SERGEF: variants seen among roughly 807,000 people sequenced by gnomAD.
SERGEF encodes the protein secretion-regulating guanine nucleotide exchange factor.
In SERGEF, 51 loss-of-function variants were observed where a neutral mutation model predicts 50.0. The ratio of observed to expected loss-of-function variants is 1.02; its 90% CI spans 0.81 to 1.29. The LOEUF is 1.29. Among genes scored for constraint, SERGEF ranks in the 50% most tolerant of loss-of-function variants. The pLI is 0.00. For synonymous variants in SERGEF, 205 were observed against 212.4 expected (o/e 0.97, Z 0.30); for missense variants, 521 against 557.0 (o/e 0.94, Z 0.65).
chr11:17,928,041 A>G (rs1852283083), intron 9 of SERGEF, among the ~76,000 whole-genome samples: 1 of 152,256 alleles, frequency 6.6e-6, no homozygotes, highest in Admixed American at 6.5e-5. Context: ...TAGAGTCTCT[A>G]AATTTGAAGT....
chr11:17,836,090 C>T (rs1036857629), intron 10 of SERGEF, among the ~76,000 whole-genome samples: 5 of 152,218 alleles, frequency 3.3e-5, no homozygotes, highest in African/African-American at 1.2e-4. Context: ...GTTATTTATT[C>T]AGCAAACATC....
chr11:17,972,405 G>A (rs1307111430), intron 8 of SERGEF, among the ~76,000 whole-genome samples: 1 of 152,158 alleles, frequency 6.6e-6, no homozygotes, highest in African/African-American at 2.4e-5. Context: ...TGATCAGTCA[G>A]CAGCCATCAA....
intron 10 of SERGEF, among the ~76,000 whole-genome samples, chr11:17,861,118 G>A (rs1461005016): frequency 2.0e-5 from 3 of 152,178 alleles, no homozygotes; most frequent in East Asian, 1.9e-4. Context: ...ATGCATGTCT[G>A]TGGCATTGAC....
intron 10 of SERGEF, among the ~76,000 whole-genome samples, chr11:17,830,364 G>A (rs1850271588): frequency 1.3e-5 from 2 of 152,172 alleles, no homozygotes; most frequent in African/African-American, 4.8e-5. Flanking sequence ...CTCACTTGGT[G>A]TCTTAGTACA....
chr11:18,004,013 C>T (rs1197092834), intron 4 of SERGEF, among the ~76,000 whole-genome samples: 1 of 152,062 alleles, frequency 6.6e-6, no homozygotes, highest in East Asian at 1.9e-4. Context: ...TTAAATAGGG[C>T]TACTAGAAAA....
At position 17,884,124 on chromosome 11, in the gene SERGEF, G is replaced by A. The variant is rs1387441357; in HGVS notation, c.1012-5880C>T. Among the ~76,000 whole-genome samples the A allele has an allele frequency of 6.6e-6, 1 of 152,234 alleles. No homozygotes were observed. Among genetic ancestry groups the A allele is most frequent in the Non-Finnish European group, 1.5e-5 (1 of 68,040 alleles). On this transcript the variant is annotated intron_variant, in intron 9 of 10. Transcript: ENST00000265965. The surrounding 1 kb of genome is among the most constrained non-coding windows in gnomAD (Gnocchi z 4.6). ...AGCCCAAAGGCCACCCAGGGTGCCA[G>A]ATGGACAGCGAGGCCTGCTGATTGG...
At chr11:17,881,947 G>T (rs1851339086) in intron 9 of SERGEF, among the ~76,000 whole-genome samples, 1 of 152,040 alleles carries the variant, frequency 6.6e-6, no homozygotes, top group African/African-American at 2.4e-5. Flanking sequence ...TACCTCTCTG[G>T]CCTCATTTCC....
rs139727128 is a variant in SERGEF, at chr11:17,888,522, T to C, written c.1012-10278A>G. ...ATATGAATGTTGCTAGGAGCCAGAA[T>C]GCTCACTGTAGTTGAAGGAAACACA... is the stretch of plus-strand genomic sequence containing the variant. On this transcript the variant is annotated intron_variant, in intron 9 of 10. Coordinates refer to ENST00000265965, the MANE Select transcript of SERGEF (RefSeq NM_012139.4). This position sits in a 1 kb window ranked among gnomAD's most constrained non-coding sequence, Gnocchi z 4.1. 3.7e-4 allele frequency among the ~76,000 whole-genome samples: 57 copies of C among 152,196 alleles called. 2 individuals carry two copies. In the East Asian group the frequency reaches 7.2e-3, roughly 19 times the overall value.
chr11:17,870,761 CAG>C (rs1022787692), intron 10 of SERGEF, among the ~76,000 whole-genome samples: 58 of 151,914 alleles, frequency 3.8e-4, no homozygotes, highest in African/African-American at 1.4e-3. Flanking sequence ...TAAAATTAGA[CAG>C]ATTAAAAAGG....
At chr11:17,901,664 A>C (rs911957738) in intron 9 of SERGEF, among the ~76,000 whole-genome samples, 1 of 152,210 alleles carries the variant, frequency 6.6e-6, no homozygotes, top group African/African-American at 2.4e-5. Flanking sequence ...CTTCACACTC[A>C]GCGGAATCCA....
At chr11:17,826,469 A>G (rs1273375315) in intron 10 of SERGEF, among the ~76,000 whole-genome samples, 1 of 152,226 alleles carries the variant, frequency 6.6e-6, no homozygotes, top group Non-Finnish European at 1.5e-5. Context: ...TTGCAATGGG[A>G]AGAAAGACAC....
intron 10 of SERGEF, among the ~76,000 whole-genome samples, chr11:17,842,911 C>T (rs571579138): frequency 1.1e-4 from 17 of 152,310 alleles, no homozygotes; most frequent in African/African-American, 4.1e-4. Flanking sequence ...AAGAGAGGAG[C>T]TGATATGCTA....
At chr11:17,953,686 G>T (rs922516783) in intron 9 of SERGEF, among the ~76,000 whole-genome samples, 1 of 152,214 alleles carries the variant, frequency 6.6e-6, no homozygotes, top group Non-Finnish European at 1.5e-5. Context: ...CCCACAAGGT[G>T]CCAGGGACTA....
At chr11:17,885,941 G>T (rs1851420890) in intron 9 of SERGEF, among the ~76,000 whole-genome samples, 1 of 152,112 alleles carries the variant, frequency 6.6e-6, no homozygotes. Context: ...GCTATAGTTT[G>T]CTTTTATCAA....
intron 10 of SERGEF, among the ~76,000 whole-genome samples, chr11:17,861,464 T>C (rs1397808109): frequency 6.6e-6 from 1 of 152,254 alleles, no homozygotes; most frequent in Non-Finnish European, 1.5e-5. Flanking sequence ...CACTACATTA[T>C]GCTGCTTGGG....
intron 9 of SERGEF, among the ~76,000 whole-genome samples, chr11:17,922,071 A>G (rs939384053): frequency 6.6e-6 from 1 of 152,202 alleles, no homozygotes; most frequent in Non-Finnish European, 1.5e-5. Context: ...TTTCTCTTTA[A>G]AAGAGAACTT....
intron 10 of SERGEF, among the ~76,000 whole-genome samples, chr11:17,804,830 C>T (rs541679516): frequency 5.9e-5 from 9 of 152,218 alleles, no homozygotes; most frequent in Non-Finnish European, 1.2e-4. Context: ...TACTCTCCTA[C>T]TGTCTGTAAC....
At chr11:17,845,218 T>G (rs747783257) in intron 10 of SERGEF, among the ~76,000 whole-genome samples, 3 of 152,208 alleles carry the variant, frequency 2.0e-5, no homozygotes, top group Non-Finnish European at 4.4e-5. Flanking sequence ...TTCAACTTCT[T>G]CATGTCCATT....
At chr11:17,994,392 C>T (rs530047766) in intron 6 of SERGEF, among the ~76,000 whole-genome samples, 67 of 141,242 alleles carry the variant, frequency 4.7e-4, no homozygotes, top group African/African-American at 1.4e-3. Flanking sequence ...AGGAGGATGG[C>T]GTGAACCCGG....
Sources: allele counts gnomAD v4.1 joint callset (sites outside exome capture counted in the v4.1 genomes callset), GRCh38; gene constraint gnomAD v4.1.1; non-coding constraint Gnocchi (gnomAD v3.1); transcripts MANE v1.5; gene names NCBI Gene and HGNC (gene_info 2026-07-23, HGNC 2026-07-21).